Variants in PRKG1 observed in about 807,000 individuals in gnomAD.
PRKG1 encodes cGMP-dependent protein kinase 1.
PRKG1 carries 35 observed loss-of-function variants against 88.1 expected under a neutral mutation model. The ratio of observed to expected loss-of-function variants is 0.40; its 90% CI spans 0.30 to 0.53. The LOEUF is 0.53. Ranked by LOEUF, PRKG1 falls within the 20% of genes least tolerant of loss-of-function variation. PRKG1 has a pLI of 0.59. For synonymous variants in PRKG1, 303 were observed against 292.5 expected (o/e 1.04, Z -0.37); for missense variants, 540 against 839.8 (o/e 0.64, Z 4.41).
At chr10:51,154,422 G>A (rs1354738381) in intron 2 of PRKG1, among the ~76,000 whole-genome samples, 1 of 151,862 alleles carries the variant, frequency 6.6e-6, no homozygotes, top group African/African-American at 2.4e-5. Flanking sequence ...GATTTATCTG[G>A]CCCAAAATGT....
chr10:52,175,341 T>G (rs917344010), intron 9 of PRKG1, among the ~76,000 whole-genome samples: 1 of 152,134 alleles, frequency 6.6e-6, no homozygotes, highest in Non-Finnish European at 1.5e-5. Context: ...TGAATAATAT[T>G]CTATTTTGTA....
chr10:52,013,751 T>C (rs1380383922), intron 5 of PRKG1, among the ~76,000 whole-genome samples: 1 of 152,332 alleles, frequency 6.6e-6, no homozygotes, highest in Non-Finnish European at 1.5e-5. Flanking sequence ...ATTTTAGAAA[T>C]AGCAGTGGCT....
intron 2 of PRKG1, among the ~76,000 whole-genome samples, chr10:51,452,616 C>T (rs182566409): frequency 6.6e-6 from 1 of 152,032 alleles, no homozygotes; most frequent in East Asian, 1.9e-4. Context: ...TATGTGAAAC[C>T]ATCACTGCAT....
intron 2 of PRKG1, among the ~76,000 whole-genome samples, chr10:51,429,913 C>T (rs1036374804): frequency 6.6e-6 from 1 of 151,452 alleles, no homozygotes; most frequent in Non-Finnish European, 1.5e-5. Flanking sequence ...CAACAGCAGT[C>T]CCAGAAAGGA....
At chr10:51,253,921 T>C (rs1036090769) in intron 2 of PRKG1, among the ~76,000 whole-genome samples, 1 of 151,996 alleles carries the variant, frequency 6.6e-6, no homozygotes. Flanking sequence ...TGTTTTTCTG[T>C]TGTAAATCAA....
At chr10:51,975,578 G>A (rs1355641499) in intron 5 of PRKG1, among the ~76,000 whole-genome samples, 1 of 152,020 alleles carries the variant, frequency 6.6e-6, no homozygotes, top group African/African-American at 2.4e-5. Context: ...ACATAGCTAG[G>A]TGTGTGCAAA....
chr10:51,243,834 A>G (rs1839217467), intron 2 of PRKG1, among the ~76,000 whole-genome samples: 1 of 152,170 alleles, frequency 6.6e-6, no homozygotes, highest in African/African-American at 2.4e-5. Flanking sequence ...GAACAATTAC[A>G]TTTGCAGGAG....
intron 2 of PRKG1, among the ~76,000 whole-genome samples, chr10:51,243,049 G>C (rs1389099481): frequency 6.6e-6 from 1 of 152,142 alleles, no homozygotes; most frequent in Non-Finnish European, 1.5e-5. Flanking sequence ...AATTGATATG[G>C]TGCTAATACA....
chr10:51,254,382 G>T (rs1026687626), intron 2 of PRKG1, among the ~76,000 whole-genome samples: 1 of 151,870 alleles, frequency 6.6e-6, no homozygotes, highest in Non-Finnish European at 1.5e-5. Context: ...TTAGTCATAA[G>T]GGAAATTATT....
intron 5 of PRKG1, among the ~76,000 whole-genome samples, chr10:51,991,915 A>G (rs1427101422): frequency 6.6e-6 from 1 of 152,204 alleles, no homozygotes; most frequent in African/African-American, 2.4e-5. Flanking sequence ...GGCCTAAACT[A>G]TTACACTGAA....
chr10:51,276,253 T>C (rs1037655245), intron 2 of PRKG1, among the ~76,000 whole-genome samples: 7 of 152,126 alleles, frequency 4.6e-5, no homozygotes, highest in African/African-American at 1.7e-4. Context: ...CTGAGAATGA[T>C]GGTTTGCAGC....
At chr10:51,078,736 C>A (rs1205991486) in intron 1 of PRKG1, among the ~76,000 whole-genome samples, 1 of 151,874 alleles carries the variant, frequency 6.6e-6, no homozygotes, top group Non-Finnish European at 1.5e-5. Context: ...CTTGCCTCAG[C>A]CTCCTGAGTA....
intron 2 of PRKG1, among the ~76,000 whole-genome samples, chr10:51,444,760 T>C (rs925952698): frequency 2.0e-5 from 3 of 151,924 alleles, no homozygotes; most frequent in Non-Finnish European, 4.4e-5. Flanking sequence ...TAATGCATTA[T>C]TTGTAGAGTA....
chr10:51,549,148 G>A (rs181107853), intron 3 of PRKG1, among the ~76,000 whole-genome samples: 8 of 45,674 alleles, frequency 1.8e-4, no homozygotes, highest in African/African-American at 7.0e-4. Context: ...TTTTGAGACA[G>A]AGTCTTGCTC....
intron 5 of PRKG1, among the ~76,000 whole-genome samples, chr10:51,942,161 G>C (rs904691048): frequency 6.6e-6 from 1 of 151,786 alleles, no homozygotes; most frequent in Non-Finnish European, 1.5e-5. Flanking sequence ...GTGTGAGATG[G>C]TATCTCATTG....
chr10:51,439,945 A>G lies in PRKG1; in HGVS notation c.479-27778A>G, dbSNP rs891406249. On this transcript the variant is annotated intron_variant, in intron 2 of 17. Coordinates refer to ENST00000373980, the MANE Select transcript of PRKG1 (RefSeq NM_006258.4). ...TTCCTTTAAAAATGAAATACTGCAA[A>G]GTAGATTTGAGTTCCACAACAATTT... Among the ~76,000 whole-genome samples the G allele has an allele frequency of 2.0e-5, 3 of 151,948 alleles. No individual in the cohort carries two copies. In the South Asian group the frequency reaches 6.2e-4, roughly 31 times the overall value.
intron 2 of PRKG1, among the ~76,000 whole-genome samples, chr10:51,409,725 G>A (rs913673884): frequency 7.3e-5 from 11 of 151,612 alleles, no homozygotes; most frequent in Admixed American, 3.9e-4. Context: ...TTGGTGATGC[G>A]TGCCTGTAAT....
chr10:51,718,397 C>T (rs1157270383), intron 3 of PRKG1, among the ~76,000 whole-genome samples: 1 of 151,888 alleles, frequency 6.6e-6, no homozygotes, highest in Non-Finnish European at 1.5e-5. Context: ...CCGGGGAAGG[C>T]GAGAGTAGGG....
chr10:50,991,331 C>A lies in PRKG1; in HGVS notation c.-48C>A. On this transcript the variant is annotated 5_prime_UTR_variant, in exon 1 of 18. Transcript: ENST00000401604. This position sits in a 1 kb window ranked among gnomAD's most constrained non-coding sequence, Gnocchi z 4.5. ...TCCCAGCCGCCGCCGCCGCCGCCGC[C>A]GCCGCCGCCGCCCGAGAAAAAGTTT... 1.5e-6 allele frequency: 2 copies of A among 1,360,400 alleles called. No individual in the cohort carries two copies. Among genetic ancestry groups the A allele is most frequent in the Non-Finnish European group, 1.9e-6 (2 of 1,027,552 alleles). 84.3% of individuals were successfully genotyped at this position (1,360,400 alleles called of 1,614,324 possible).
Sources: allele counts gnomAD v4.1 joint callset (sites outside exome capture counted in the v4.1 genomes callset), GRCh38; gene constraint gnomAD v4.1.1; non-coding constraint Gnocchi (gnomAD v3.1); transcripts MANE v1.5; gene names NCBI Gene and HGNC (gene_info 2026-07-23, HGNC 2026-07-21).